Variants in SEC24B observed in about 807,000 individuals in gnomAD.
The protein encoded by SEC24B is SEC24 homolog B, COPII component, also known as protein transport protein Sec24B.
SEC24B carries 45 observed loss-of-function variants against 142.8 expected under a neutral mutation model. That is an observed-to-expected ratio of 0.32 (90% CI 0.25 to 0.40). SEC24B has a LOEUF of 0.40. Among genes scored for constraint, SEC24B ranks in the 10% least tolerant of loss-of-function variants. The pLI, the probability that SEC24B is intolerant of heterozygous loss-of-function variation, is 1.00. For synonymous variants in SEC24B, 574 were observed against 568.2 expected, an observed-to-expected ratio of 1.01 and a Z score of -0.15; for missense variants, 1,409 against 1,526.8, an observed-to-expected ratio of 0.92 and a Z score of 1.29.
rs1736686326 is a variant in SEC24B, at chr4:109,506,363, A to G, written c.1524A>G (p.Ile508Met). 6.2e-7 allele frequency: 1 copy of G among 1,604,440 alleles called. No individual in the cohort carries two copies. The highest frequency in any genetic ancestry group is 8.5e-7 in the Non-Finnish European group (1 of 1,175,190). Residue 508 changes from isoleucine (I) to methionine (M), a missense_variant, in exon 7 of 24, where the codon ATA becomes ATG. Physicochemically the swap from Ile to Met is conservative, Grantham distance 10. Around this residue, in one of 2 missense-constraint regions of SEC24B, gnomAD observed 709 missense variants for 673.5 expected, o/e 1.05. Transcript: ENST00000265175. Reference protein sequence around the residue: ...YPGVNQLSSSIGGLSLQSSPQ... With the variant: ...YPGVNQLSSSMGGLSLQSSPQ... ...GTGTGAACCAGCTATCCTCCAGTATAGGAGGATTGAGTCTTCAGAGTTCTC... is the reference window on the plus strand; with the variant it reads ...GTGTGAACCAGCTATCCTCCAGTATGGGAGGATTGAGTCTTCAGAGTTCTC...
intron 22 of SEC24B, among the ~76,000 whole-genome samples, chr4:109,537,177 G>GA (rs34362971): frequency 2.0e-5 from 3 of 151,496 alleles, no homozygotes; most frequent in South Asian, 2.1e-4. Context: ...TCATAATTAG[G>GA]AAAAAAAATA....
At chr4:109,438,357 A>G (rs899590485) in intron 1 of SEC24B, among the ~76,000 whole-genome samples, 1 of 152,172 alleles carries the variant, frequency 6.6e-6, no homozygotes, top group Non-Finnish European at 1.5e-5. Context: ...TCTGTCACCC[A>G]AGCTGGAGTA....
intron 1 of SEC24B, among the ~76,000 whole-genome samples, chr4:109,434,836 C>G (rs906419582): frequency 1.3e-5 from 2 of 152,124 alleles, no homozygotes; most frequent in African/African-American, 4.8e-5. Flanking sequence ...AAATGCAGCA[C>G]GAAAGCCGCT....
At chr4:109,435,614 C>T in intron 1 of SEC24B, among the ~76,000 whole-genome samples, 1 of 152,196 alleles carries the variant, frequency 6.6e-6, no homozygotes, top group Non-Finnish European at 1.5e-5. Context: ...AGGATATGTA[C>T]TCAGCCAAGT....
At chr4:109,527,703 C>T (rs572312315) in intron 18 of SEC24B, among the ~76,000 whole-genome samples, 1 of 151,720 alleles carries the variant, frequency 6.6e-6, no homozygotes, top group Non-Finnish European at 1.5e-5. Context: ...ACCTGAGAGG[C>T]GGACGTTGCA....
chr4:109,540,024 CTTATAA>C lies in SEC24B; in HGVS notation c.*353_*358del, dbSNP rs1456250304. ...TGTAAAATTAGATAAATTCTTTTTT[CTTATAA>C]TTAATATAACATTTCTGGACTTGAA... On this transcript the variant is annotated 3_prime_UTR_variant, in exon 24 of 24. Transcript: ENST00000265175. The C allele has an allele frequency of 6.0e-6, 1 of 165,444 alleles. No individual in the cohort carries two copies. Among genetic ancestry groups the C allele is most frequent in the African/African-American group, 2.4e-5 (1 of 41,876 alleles). The allele number at this position is 165,444 out of a possible 1,614,324, so 10.2% of individuals were successfully genotyped here. A position where few individuals can be genotyped will look rare whatever the true frequency, so the allele number is the denominator to read the frequency against.
chr4:109,512,803 A>G (rs1264432857), intron 9 of SEC24B, among the ~76,000 whole-genome samples: 3 of 151,656 alleles, frequency 2.0e-5, no homozygotes, highest in Non-Finnish European at 4.4e-5. Flanking sequence ...CTGAGACTAC[A>G]GGCTTGCACC....
chr4:109,522,921 A>G (rs991000345), intron 14 of SEC24B, among the ~76,000 whole-genome samples: 3 of 152,148 alleles, frequency 2.0e-5, no homozygotes, highest in Non-Finnish European at 4.4e-5. Flanking sequence ...AAAAGTAGAG[A>G]CAACATCTTG....
chr4:109,459,308 T>C (rs1174177199), intron 1 of SEC24B, among the ~76,000 whole-genome samples: 2 of 152,172 alleles, frequency 1.3e-5, no homozygotes. Context: ...CACCATCCAG[T>C]GTGGTGGCCA....
At chr4:109,445,205 C>T (rs1029677375) in intron 1 of SEC24B, among the ~76,000 whole-genome samples, 20 of 148,678 alleles carry the variant, frequency 1.3e-4, no homozygotes, top group African/African-American at 4.5e-4. Context: ...ATTACAAGCA[C>T]GTCTGGCCAT....
chr4:109,526,817 G>A (rs1724286286), intron 17 of SEC24B, among the ~76,000 whole-genome samples: 2 of 152,180 alleles, frequency 1.3e-5, no homozygotes, highest in African/African-American at 4.8e-5. Flanking sequence ...TGCAGATTTG[G>A]AGAGTGTTTA....
At chr4:109,453,446 C>A (rs1297634444) in intron 1 of SEC24B, among the ~76,000 whole-genome samples, 1 of 72,064 alleles carries the variant, frequency 1.4e-5, no homozygotes, top group Non-Finnish European at 2.7e-5. Context: ...TTAGGCCCCC[C>A]CCCCCCCCCC....
intron 6 of SEC24B, among the ~76,000 whole-genome samples, chr4:109,496,747 GA>G (rs1735582070): frequency 6.6e-6 from 1 of 152,170 alleles, no homozygotes; most frequent in Non-Finnish European, 1.5e-5. Flanking sequence ...GACATCAGAG[GA>G]ATATGGTTGG....
intron 1 of SEC24B, among the ~76,000 whole-genome samples, chr4:109,462,102 G>A (rs1731320331): frequency 6.6e-6 from 1 of 152,142 alleles, no homozygotes; most frequent in Admixed American, 6.5e-5. Flanking sequence ...AGGCTGAGGT[G>A]AGAAGATTGC....
At chr4:109,466,643 C>T (rs1045431717) in intron 2 of SEC24B, among the ~76,000 whole-genome samples, 3 of 152,164 alleles carry the variant, frequency 2.0e-5, no homozygotes, top group African/African-American at 7.2e-5. Flanking sequence ...ATCTCCTGAC[C>T]TTGTGATCCG....
rs1208090106 is a variant in SEC24B at position 109,451,286 on chromosome 4, T to A, written c.134-11615T>A. On this transcript the variant is annotated intron_variant, in intron 1 of 23. Transcript: ENST00000265175. ...AGGCTGGAGTGCAGTGGTACAGTCA[T>A]GGCTTGCTGCATCCCTAACCTTCTG... Among the ~76,000 whole-genome samples, 4 of 152,048 alleles carry A rather than the reference T, an allele frequency of 2.6e-5. No individual in the cohort carries two copies. In the East Asian group the frequency reaches 5.8e-4, roughly 22 times the overall value.
chr4:109,510,560 G>T (rs1413684381), intron 8 of SEC24B, among the ~76,000 whole-genome samples: 2 of 152,144 alleles, frequency 1.3e-5, no homozygotes, highest in Non-Finnish European at 2.9e-5. Flanking sequence ...CTGGAAGGTA[G>T]ATACACTTTC....
intron 12 of SEC24B, 24 bp downstream of exon 12, chr4:109,520,508 C>A: frequency 7.2e-7 from 1 of 1,393,684 alleles, no homozygotes; most frequent in Non-Finnish European, 1.0e-6. Flanking sequence ...AAAATAAAAG[C>A]CTTTCTAACT....
intron 1 of SEC24B, chr4:109,451,013 C>T (rs933011368): frequency 4.5e-4 from 68 of 152,214 alleles, no homozygotes; most frequent in African/African-American, 1.6e-3. Flanking sequence ...TTAAGGGATC[C>T]TCTCACTTCA....
Sources: allele counts gnomAD v4.1 joint callset (sites outside exome capture counted in the v4.1 genomes callset), GRCh38; gene constraint gnomAD v4.1.1; regional missense constraint gnomAD v4.1.1; transcripts MANE v1.5; gene names NCBI Gene and HGNC (gene_info 2026-07-23, HGNC 2026-07-21).